RTN4RL1: variants seen among roughly 807,000 people sequenced by gnomAD.
RTN4RL1 encodes the protein reticulon 4 receptor like 1.
In RTN4RL1, 7 loss-of-function variants were observed where a neutral mutation model predicts 25.6. The ratio of observed to expected loss-of-function variants is 0.27; its 90% CI spans 0.16 to 0.51. The LOEUF is 0.51. Among genes scored for constraint, RTN4RL1 ranks in the 20% least tolerant of loss-of-function variants. The pLI, the probability that RTN4RL1 is intolerant of heterozygous loss-of-function variation, is 0.97. For missense variants in RTN4RL1, 500 were observed against 615.6 expected (o/e 0.81, Z 1.99); for synonymous variants, 297 against 288.2 (o/e 1.03, Z -0.31).
intron 1 of RTN4RL1, among the ~76,000 whole-genome samples, chr17:1,959,814 C>T (rs755706929): frequency 2.0e-5 from 3 of 152,170 alleles, no homozygotes; most frequent in Admixed American, 6.5e-5. Flanking sequence ...CCACCCACCT[C>T]GGCCTCCCAA....
chr17:1,952,259 G>A (rs1486547690), intron 1 of RTN4RL1, among the ~76,000 whole-genome samples: 1 of 151,888 alleles, frequency 6.6e-6, no homozygotes, highest in African/African-American at 2.4e-5. Flanking sequence ...AGACCACGCT[G>A]CATGACGTTT....
chr17:1,976,160 T>G (rs2066841977), intron 1 of RTN4RL1, among the ~76,000 whole-genome samples: 1 of 152,204 alleles, frequency 6.6e-6, no homozygotes, highest in Non-Finnish European at 1.5e-5. Context: ...AATGATGGAC[T>G]ATGTTCCCAG....
intron 1 of RTN4RL1, among the ~76,000 whole-genome samples, chr17:1,939,577 T>C (rs1267851746): frequency 6.6e-6 from 1 of 152,090 alleles, no homozygotes; most frequent in East Asian, 1.9e-4. Flanking sequence ...AAACCAGGCC[T>C]TGCCTCTCGA....
Position 1,937,305 on chromosome 17 carries a change from C to T in RTN4RL1, c.517G>A (p.Val173Ile). ...YLQDDIFVDL[V>I]NLSHLFLHGN... ...TGGAGAAACAGGTGGCTGAGGTTGA[C>T]CAGGTCCACGAAGATGTCGTCCTGG... Residue 173 changes from valine (V) to isoleucine (I), a missense_variant, in exon 2 of 2, where the codon GTC (valine) becomes ATC (isoleucine). By Grantham distance (29) the Val-to-Ile change is conservative (BLOSUM62 3). Transcript: ENST00000331238. 6.2e-7 allele frequency: 1 copy of T among 1,613,310 alleles called. No homozygotes were observed.
At chr17:2,005,558 G>C (rs572148960) in intron 1 of RTN4RL1, among the ~76,000 whole-genome samples, 88 of 152,198 alleles carry the variant, frequency 5.8e-4, no homozygotes, top group Admixed American at 2.0e-3. Flanking sequence ...ACAGTCACTG[G>C]TACATCCAGA....
chr17:1,987,378 C>T (rs1038792631), intron 1 of RTN4RL1, among the ~76,000 whole-genome samples: 7 of 152,094 alleles, frequency 4.6e-5, no homozygotes, highest in African/African-American at 1.4e-4. Context: ...TCTCCTTTTC[C>T]GGGAGGAGGG....
intron 1 of RTN4RL1, among the ~76,000 whole-genome samples, chr17:2,013,400 T>C (rs973858339): frequency 6.6e-6 from 1 of 152,226 alleles, no homozygotes; most frequent in Non-Finnish European, 1.5e-5. Flanking sequence ...CAGCCTGACT[T>C]CCAGCTGCAA....
At chr17:1,967,646 T>C (rs1410274252) in intron 1 of RTN4RL1, among the ~76,000 whole-genome samples, 6 of 139,574 alleles carry the variant, frequency 4.3e-5, no homozygotes, top group Non-Finnish European at 1.0e-4. Context: ...GTCTCTCTCT[T>C]TCTTTTTTTT....
chr17:1,976,099 A>G (rs1177520555), intron 1 of RTN4RL1, among the ~76,000 whole-genome samples: 1 of 152,234 alleles, frequency 6.6e-6, no homozygotes, highest in Non-Finnish European at 1.5e-5. Context: ...TCTTTCAGGT[A>G]AGAATGAGCC....
chr17:2,019,874 A>G (rs2067178086), intron 1 of RTN4RL1: 1 of 152,260 alleles, frequency 6.6e-6, no homozygotes, highest in South Asian at 2.1e-4. Context: ...AACCGAACCA[A>G]AACACATTTT....
chr17:1,936,397 C>T lies in RTN4RL1; in HGVS notation c.*99G>A. On this transcript the variant is annotated 3_prime_UTR_variant, in exon 2 of 2. Transcript: ENST00000331238. Reference sequence around the variant, plus strand: ...AGCCGAAGGCTCTACCAGCCTTTTCCTGAAACCCAGCAGATCTTCCACTTG... The same window carrying T: ...AGCCGAAGGCTCTACCAGCCTTTTCTTGAAACCCAGCAGATCTTCCACTTG... The T allele has an allele frequency of 6.9e-7, 1 of 1,453,688 alleles. No homozygotes were observed. The highest frequency in any genetic ancestry group is 1.4e-5 in the South Asian group (1 of 69,324). The allele number at this position is 1,453,688 out of a possible 1,614,324, so 90.0% of individuals were successfully genotyped here.
At chr17:1,968,718 C>T (rs552889665) in intron 1 of RTN4RL1, among the ~76,000 whole-genome samples, 186 of 152,256 alleles carry the variant, frequency 1.2e-3, no homozygotes, top group African/African-American at 4.3e-3. Context: ...TCACCCGTCC[C>T]CTCTCCCTGG....
At chr17:2,008,056 TGAG>T (rs1292573085) in intron 1 of RTN4RL1, among the ~76,000 whole-genome samples, 1 of 152,010 alleles carries the variant, frequency 6.6e-6, no homozygotes, top group African/African-American at 2.4e-5. Context: ...GCGGATCACC[TGAG>T]GTCAGGAGTT....
intron 1 of RTN4RL1, among the ~76,000 whole-genome samples, chr17:2,016,622 G>C (rs1567530698): frequency 6.6e-6 from 1 of 152,266 alleles, no homozygotes; most frequent in Non-Finnish European, 1.5e-5. Flanking sequence ...GGGCTGCGGT[G>C]AGAGACGGAG....
At chr17:1,980,231 T>C (rs984860007) in intron 1 of RTN4RL1, among the ~76,000 whole-genome samples, 1 of 26,708 alleles carries the variant, frequency 3.7e-5, no homozygotes, top group Non-Finnish European at 1.3e-4. Flanking sequence ...GCTCAGCTAA[T>C]TTTTTTTTTT....
chr17:2,012,361 T>C (rs2151326710), intron 1 of RTN4RL1, among the ~76,000 whole-genome samples: 1 of 152,340 alleles, frequency 6.6e-6, no homozygotes, highest in South Asian at 2.1e-4. Flanking sequence ...TGGGCTGCGG[T>C]GAGGCGGCCC....
At chr17:1,985,551 A>G (rs1226842282) in intron 1 of RTN4RL1, among the ~76,000 whole-genome samples, 2 of 152,206 alleles carry the variant, frequency 1.3e-5, no homozygotes, top group African/African-American at 4.8e-5. Context: ...CCGGGTTTAC[A>G]TTCCCGGCTT....
chr17:2,022,173 A>G (rs899967700), intron 1 of RTN4RL1, among the ~76,000 whole-genome samples: 2 of 151,946 alleles, frequency 1.3e-5, no homozygotes, highest in African/African-American at 2.4e-5. Context: ...AAAATGAGTC[A>G]AGCATGGTGG....
In RTN4RL1 at chr17:1,939,196, C is replaced by CA. The variant is rs1196860697; in HGVS notation, c.14-1389dup. 6.6e-5 allele frequency among the ~76,000 whole-genome samples: 10 copies of CA among 150,544 alleles called. No individual in the cohort carries two copies. The East Asian group carries it at 9.8e-4, about 15-fold the overall frequency. On this transcript the variant is annotated intron_variant, in intron 1 of 1. Coordinates refer to ENST00000331238, the MANE Select transcript of RTN4RL1 (RefSeq NM_178568.4). ...CGAAACCCCGTCTCTACTAAAAATACAAAAAAATTAGCCGGGCGTGGTGGC... is the reference window on the plus strand; with the variant it reads ...CGAAACCCCGTCTCTACTAAAAATACAAAAAAAATTAGCCGGGCGTGGTGGC...
Sources: gnomAD v4.1 joint callset for allele counts (sites outside exome capture counted in the v4.1 genomes callset) on GRCh38, gnomAD v4.1.1 for gene constraint, MANE v1.5 for transcripts, NCBI Gene and HGNC (gene_info 2026-07-23, HGNC 2026-07-21) for gene names.